ZNF236: variants seen among roughly 807,000 people sequenced by gnomAD.
ZNF236 encodes regulated by glucose.
Under a neutral mutation model 191.2 loss-of-function variants are expected in ZNF236, and 50 were observed. The observed-to-expected ratio is 0.26, with a 90% CI of 0.21 to 0.33. ZNF236 has a LOEUF of 0.33. Among genes scored for constraint, ZNF236 ranks in the 10% least tolerant of loss-of-function variants. ZNF236 has a pLI of 1.00. For synonymous variants in ZNF236, 907 were observed against 928.8 expected, an observed-to-expected ratio of 0.98 and a Z score of 0.43; for missense variants, 1,754 against 2,374.5, an observed-to-expected ratio of 0.74 and a Z score of 5.43.
In ZNF236 at chr18:76,849,335, T is replaced by C. The variant is rs532404855; in HGVS notation, c.56-191T>C. 131 of 500,830 alleles carry C rather than the reference T, an allele frequency of 2.6e-4. 3 individuals carry two copies. In the South Asian group the frequency reaches 3.9e-3, roughly 15 times the overall value. 31.0% of individuals were successfully genotyped at this position (500,830 alleles called of 1,614,324 possible). Reference sequence around the variant, plus strand: ...ATTCTGTTGTCCCATATCTTAGTCATCTCAATGTTTCTCATTTCTAACTTT... The same window carrying C: ...ATTCTGTTGTCCCATATCTTAGTCACCTCAATGTTTCTCATTTCTAACTTT... On this transcript the variant is annotated intron_variant, in intron 1 of 30. Coordinates refer to ENST00000320610, the MANE Select transcript of ZNF236 (RefSeq NM_001306089.2).
Position 76,970,904 on chromosome 18 carries a change from C to T in ZNF236, c.*2565C>T, listed in dbSNP as rs142570444. ...TGGAAAGGCTTCAGACTTTCAAAAT[C>T]AGGGCATGGCTCCGCGACAGCGAGC... On this transcript the variant is annotated 3_prime_UTR_variant, in exon 31 of 31. Coordinates refer to ENST00000320610, the MANE Select transcript of ZNF236 (RefSeq NM_001306089.2). 4.4e-3 allele frequency among the ~76,000 whole-genome samples: 676 copies of T among 152,386 alleles called. 3 individuals are homozygous for T. The highest frequency in any genetic ancestry group is 7.8e-3 in the Admixed American group (119 of 15,308).
intron 1 of ZNF236, among the ~76,000 whole-genome samples, chr18:76,848,570 G>A (rs1161478170): frequency 6.6e-6 from 1 of 152,144 alleles, no homozygotes; most frequent in Non-Finnish European, 1.5e-5. Context: ...TTACCTGGGT[G>A]GGTTTATAGA....
intron 30 of ZNF236, among the ~76,000 whole-genome samples, chr18:76,966,360 G>GAC (rs1281630078): frequency 6.6e-5 from 10 of 151,016 alleles, no homozygotes; most frequent in Non-Finnish European, 1.3e-4. Flanking sequence ...CACACACAGA[G>GAC]ACACACACAC....
chr18:76,936,346 C>T (rs746004588), intron 25 of ZNF236: 4 of 456,528 alleles, frequency 8.8e-6, no homozygotes, highest in Non-Finnish European at 8.8e-6. Context: ...ATACTTTCAA[C>T]GTTGTGTTCA....
At chr18:76,929,984 C>T (rs992738056) in intron 25 of ZNF236, among the ~76,000 whole-genome samples, 9 of 152,172 alleles carry the variant, frequency 5.9e-5, no homozygotes, top group Non-Finnish European at 1.2e-4. Flanking sequence ...AAAGGTTACA[C>T]GTTGAGTGAA....
intron 2 of ZNF236, among the ~76,000 whole-genome samples, chr18:76,850,183 T>G (rs1975816967): frequency 6.6e-6 from 1 of 152,212 alleles, no homozygotes; most frequent in Non-Finnish European, 1.5e-5. Context: ...GGAATGATTT[T>G]CCTGATAGAT....
chr18:76,858,170 C>T (rs1425705582), intron 3 of ZNF236, among the ~76,000 whole-genome samples: 3 of 152,062 alleles, frequency 2.0e-5, no homozygotes, highest in Non-Finnish European at 1.5e-5. Flanking sequence ...CTAGCATATG[C>T]GCAGTTTTTA....
At position 76,972,688 on chromosome 18, in the gene ZNF236, T is replaced by C. The variant is rs1019796604; in HGVS notation, c.*4349T>C. Among the ~76,000 whole-genome samples the C allele has an allele frequency of 2.0e-5, 3 of 152,198 alleles. No homozygotes were observed. Among genetic ancestry groups the C allele is most frequent in the Non-Finnish European group, 4.4e-5 (3 of 68,028 alleles). On this transcript the variant is annotated 3_prime_UTR_variant, in exon 31 of 31. Transcript: ENST00000320610. ...GACAAATTCTCAAGTGACATAGGGATTTGTTCTTGATTCACCACTAAAGAA... is the reference window on the plus strand; with the variant it reads ...GACAAATTCTCAAGTGACATAGGGACTTGTTCTTGATTCACCACTAAAGAA...
chr18:76,930,500 A>G (rs937179551), intron 25 of ZNF236, among the ~76,000 whole-genome samples: 1 of 152,222 alleles, frequency 6.6e-6, no homozygotes, highest in Non-Finnish European at 1.5e-5. Context: ...TGATTTCATT[A>G]TATCATTACA....
At chr18:76,903,671 T>C (rs1977664600) in intron 11 of ZNF236, among the ~76,000 whole-genome samples, 1 of 152,114 alleles carries the variant, frequency 6.6e-6, no homozygotes, top group Non-Finnish European at 1.5e-5. Flanking sequence ...CAAATGACTC[T>C]TAAGGAATTC....
intron 9 of ZNF236, among the ~76,000 whole-genome samples, chr18:76,884,400 CAAAAAA>C: frequency 1.1e-5 from 1 of 93,060 alleles, no homozygotes; most frequent in South Asian, 3.7e-4. Flanking sequence ...GACTCCATCT[CAAAAAA>C]AAAAAAAAAG....
At chr18:76,966,156 T>C (rs1968769276) in intron 30 of ZNF236, among the ~76,000 whole-genome samples, 1 of 152,188 alleles carries the variant, frequency 6.6e-6, no homozygotes, top group Non-Finnish European at 1.5e-5. Context: ...TTTATTCCCC[T>C]AGTTGTTTGG....
chr18:76,873,770 A>G (rs1014910240), intron 5 of ZNF236, among the ~76,000 whole-genome samples: 5 of 151,058 alleles, frequency 3.3e-5, no homozygotes, highest in Non-Finnish European at 1.5e-5. Context: ...ACTGGGCCAC[A>G]CTCTCGCCGT....
At chr18:76,842,438 CTT>C (rs34838341) in intron 1 of ZNF236, among the ~76,000 whole-genome samples, 2 of 141,542 alleles carry the variant, frequency 1.4e-5, no homozygotes, top group Admixed American at 7.1e-5. Flanking sequence ...CCCCCCTCAA[CTT>C]TTTTTTTTTT....
In ZNF236 at chr18:76,947,618, C is replaced by T. The variant is rs1968296346; in HGVS notation, c.4880C>T (p.Ser1627Leu). 1 of 1,613,936 alleles carries T rather than the reference C, an allele frequency of 6.2e-7. No individual in the cohort carries two copies. The highest frequency in any genetic ancestry group is 8.5e-7 in the Non-Finnish European group (1 of 1,179,934). The change falls in exon 27 of 31, where the codon TCA (serine) becomes TTA (leucine). Residue 1627 changes from serine (S) to leucine (L), a missense_variant. By Grantham distance (145) the Ser-to-Leu change is moderately radical. This residue lies in a region of ZNF236 where 606 missense variants were observed against 761.5 expected (regional missense o/e 0.80). Coordinates refer to ENST00000320610, the MANE Select transcript of ZNF236 (RefSeq NM_001306089.2). ...QVILVSHTPQSASAACEEIAY... is the reference protein window; with the variant it reads ...QVILVSHTPQLASAACEEIAY... ...ATACTAGTGAGCCACACGCCACAGT[C>T]AGCGTCTGCTGCTTGTGAAGAAATA...
At chr18:76,900,365 C>A (rs1418380750) in intron 11 of ZNF236, among the ~76,000 whole-genome samples, 1 of 152,130 alleles carries the variant, frequency 6.6e-6, no homozygotes, top group Non-Finnish European at 1.5e-5. Context: ...TTAGACAGGT[C>A]AACTTAAACA....
Position 76,935,409 on chromosome 18 carries a change from C to G in ZNF236, c.4595-1747C>G, listed in dbSNP as rs552072088. 2.8e-4 allele frequency among the ~76,000 whole-genome samples: 43 copies of G among 152,310 alleles called. 1 individual carries two copies. Among genetic ancestry groups the G allele is most frequent in the African/African-American group, 1.0e-3 (42 of 41,574 alleles). On this transcript the variant is annotated intron_variant, in intron 25 of 30. Transcript: ENST00000320610. ...GGTTTCACTTTAATCAAACACAAGCCTTCTCTATCTTTTTACATTTTTCAT... is the reference window on the plus strand; with the variant it reads ...GGTTTCACTTTAATCAAACACAAGCGTTCTCTATCTTTTTACATTTTTCAT...
Position 76,968,502 on chromosome 18 carries a change from G to GAA in ZNF236, c.*171_*172dup. On this transcript the variant is annotated 3_prime_UTR_variant, in exon 31 of 31. Coordinates refer to ENST00000320610, the MANE Select transcript of ZNF236 (RefSeq NM_001306089.2). ...ATCATTGTCTTTCAGAGACTCATAG[G>GAA]AAAAAAAAACTAGGAAAAGTGTCAC... The GAA allele has an allele frequency of 3.8e-6, 5 of 1,307,580 alleles. No individual in the cohort carries two copies. Among genetic ancestry groups the GAA allele is most frequent in the Admixed American group, 3.7e-5 (1 of 26,952 alleles). 81.0% of individuals were successfully genotyped at this position (1,307,580 alleles called of 1,614,324 possible). A position where few individuals can be genotyped will look rare whatever the true frequency, so the allele number is the denominator to read the frequency against.
At chr18:76,931,300 A>G (rs1215242892) in intron 25 of ZNF236, 1 of 152,184 alleles carries the variant, frequency 6.6e-6, no homozygotes, top group East Asian at 1.9e-4. Context: ...CCCACAGTCA[A>G]TGAGGAGTTA....
Sources: gnomAD v4.1 joint callset for allele counts (sites outside exome capture counted in the v4.1 genomes callset) on GRCh38, gnomAD v4.1.1 for gene constraint, gnomAD v4.1.1 regional missense constraint, MANE v1.5 for transcripts, NCBI Gene and HGNC (gene_info 2026-07-23, HGNC 2026-07-21) for gene names.